The following ATP8A2 variants were observed in gnomAD, a reference collection of about 807,000 sequenced individuals.
ATP8A2 encodes the protein phospholipid-transporting ATPase IB.
Under a neutral mutation model 165.6 loss-of-function variants are expected in ATP8A2, and 100 were observed. The ratio of observed to expected loss-of-function variants is 0.60; its 90% CI spans 0.51 to 0.71. The LOEUF (loss-of-function observed/expected upper bound fraction) is 0.71. Ranked by LOEUF, ATP8A2 falls within the 30% of genes least tolerant of loss-of-function variation. ATP8A2 has a pLI of 0.00. For synonymous variants in ATP8A2, 543 were observed against 548.8 expected (o/e 0.99, Z 0.15); for missense variants, 1,227 against 1,479.5 (o/e 0.83, Z 2.80).
intron 6 of ATP8A2, 57 bp downstream of exon 6, chr13:25,533,370 T>G: frequency 8.4e-6 from 8 of 948,694 alleles, no homozygotes; most frequent in East Asian, 2.5e-5. Context: ...GCGTAATGAA[T>G]TGCTGGTCTT....
intron 27 of ATP8A2, among the ~76,000 whole-genome samples, chr13:25,787,905 C>T (rs1004983705): frequency 2.6e-5 from 4 of 152,202 alleles, no homozygotes; most frequent in Admixed American, 1.3e-4. Flanking sequence ...TCAAGCAAGA[C>T]GATGGTAGAA....
chr13:25,530,343 T>G (rs897938489), intron 3 of ATP8A2, among the ~76,000 whole-genome samples: 2 of 152,222 alleles, frequency 1.3e-5, no homozygotes, highest in Non-Finnish European at 1.5e-5. Flanking sequence ...GCCATACTTT[T>G]AAGCCTTTTT....
At chr13:25,457,969 G>A (rs61947622) in intron 1 of ATP8A2, among the ~76,000 whole-genome samples, 4,868 of 152,314 alleles carry the variant, frequency 0.032, 94 homozygotes, top group Non-Finnish European at 0.041. Flanking sequence ...TAAGACTGCT[G>A]ATGGAAGTAG....
intron 10 of ATP8A2, among the ~76,000 whole-genome samples, chr13:25,546,529 T>G (rs1296021642): frequency 6.6e-6 from 1 of 151,788 alleles, no homozygotes; most frequent in Non-Finnish European, 1.5e-5. Context: ...TTTTTTTTTT[T>G]GAAGTCTCTC....
chr13:25,662,424 T>C (rs2042069396), intron 24 of ATP8A2, among the ~76,000 whole-genome samples: 1 of 152,232 alleles, frequency 6.6e-6, no homozygotes, highest in South Asian at 2.1e-4. Context: ...TGATTCTATA[T>C]GGGATTCTGA....
In ATP8A2 at chr13:25,396,940, A is replaced by G. The variant is rs533050257; in HGVS notation, c.76+24652A>G. 4.6e-5 allele frequency among the ~76,000 whole-genome samples: 7 copies of G among 152,342 alleles called. No individual in the cohort carries two copies. In the East Asian group the frequency reaches 1.3e-3, roughly 29 times the overall value. On this transcript the variant is annotated intron_variant, in intron 1 of 36. Transcript: ENST00000381655. ...TCACAGATAGGCAGCAAGAGATGGT[A>G]GAAGCCTGGGCCCATGGCGGACCAG...
Position 25,553,850 on chromosome 13 carries a change from A to T in ATP8A2, c.1115A>T (p.Asn372Ile). Residue 372 changes from asparagine to isoleucine, a missense_variant, in exon 12 of 37, where the codon AAT becomes ATT. Physicochemically the swap from Asn to Ile is moderately radical, Grantham distance 149. Transcript: ENST00000381655. ...CTGACGTTCATCATCTTATACAACA[A>T]TCTTATTCCCATCAGTCTGTTGGTG... ...NLLTFIILYNNLIPISLLVTL... is the reference protein window; with the variant it reads ...NLLTFIILYNILIPISLLVTL... 6.2e-7 allele frequency: 1 copy of T among 1,613,134 alleles called. No homozygotes were observed. The highest frequency in any genetic ancestry group is 8.5e-7 in the Non-Finnish European group (1 of 1,179,082).
intron 27 of ATP8A2, among the ~76,000 whole-genome samples, chr13:25,824,170 C>T (rs900718619): frequency 6.6e-6 from 1 of 152,156 alleles, no homozygotes; most frequent in African/African-American, 2.4e-5. Flanking sequence ...GGGTTTTCAC[C>T]ATGTTGGACC....
intron 33 of ATP8A2, among the ~76,000 whole-genome samples, chr13:25,878,141 G>A (rs1170484024): frequency 2.6e-5 from 4 of 152,096 alleles, no homozygotes; most frequent in Admixed American, 6.5e-5. Context: ...AAGACAACTC[G>A]GGAAGTGTCT....
chr13:25,419,312 A>G (rs1490617664), intron 1 of ATP8A2, among the ~76,000 whole-genome samples: 2 of 152,082 alleles, frequency 1.3e-5, no homozygotes, highest in South Asian at 2.1e-4. Flanking sequence ...TGATGTTGCT[A>G]TTGTAGGGGA....
chr13:25,746,403 C>T (rs1047219419), intron 25 of ATP8A2, among the ~76,000 whole-genome samples: 3 of 152,070 alleles, frequency 2.0e-5, no homozygotes, highest in South Asian at 2.1e-4. Context: ...GAGTCTAGCA[C>T]GTAGGCAAAT....
chr13:25,937,417 A>AAATGAAAG (rs1385306065), intron 33 of ATP8A2, among the ~76,000 whole-genome samples: 1 of 125,880 alleles, frequency 7.9e-6, no homozygotes, highest in African/African-American at 2.9e-5. Flanking sequence ...GTGTTTGGAA[A>AAATGAAAG]AATGAAAGAA....
At chr13:25,690,634 G>A (rs1052013813) in intron 24 of ATP8A2, among the ~76,000 whole-genome samples, 4 of 152,094 alleles carry the variant, frequency 2.6e-5, no homozygotes, top group South Asian at 2.1e-4. Context: ...CTAATACTAC[G>A]CACCCACTGG....
intron 1 of ATP8A2, among the ~76,000 whole-genome samples, chr13:25,454,042 T>G (rs2035297144): frequency 6.6e-6 from 1 of 152,152 alleles, no homozygotes. Context: ...GTAGGATGGT[T>G]AGTCATAATG....
intron 1 of ATP8A2, among the ~76,000 whole-genome samples, chr13:25,382,959 G>A (rs566943813): frequency 6.6e-6 from 1 of 151,122 alleles, no homozygotes; most frequent in Admixed American, 6.6e-5. Context: ...GTTTCATCAT[G>A]TTAGCCAGGA....
intron 24 of ATP8A2, among the ~76,000 whole-genome samples, chr13:25,594,330 A>T (rs942520590): frequency 2.0e-5 from 3 of 152,258 alleles, no homozygotes; most frequent in Admixed American, 2.0e-4. Context: ...TGCTGCAATA[A>T]TATAGAGAAC....
At chr13:25,603,620 T>G (rs1268978110) in intron 24 of ATP8A2, among the ~76,000 whole-genome samples, 4 of 150,360 alleles carry the variant, frequency 2.7e-5, no homozygotes, top group Admixed American at 6.6e-5. Context: ...GGTGTTGGAG[T>G]GGAGGTTGTG....
chr13:25,660,463 G>T (rs1413717106), intron 24 of ATP8A2, among the ~76,000 whole-genome samples: 1 of 152,164 alleles, frequency 6.6e-6, no homozygotes, highest in Non-Finnish European at 1.5e-5. Context: ...TAGCAAGCAA[G>T]TTGGATCAAT....
chr13:25,562,636 G>A (rs1225290926), intron 15 of ATP8A2, among the ~76,000 whole-genome samples: 1 of 152,174 alleles, frequency 6.6e-6, no homozygotes, highest in Non-Finnish European at 1.5e-5. Flanking sequence ...CAACTGTTTT[G>A]GAAGCTGTGT....
Sources: allele counts gnomAD v4.1 joint callset (sites outside exome capture counted in the v4.1 genomes callset), GRCh38; gene constraint gnomAD v4.1.1; transcripts MANE v1.5; gene names NCBI Gene and HGNC (gene_info 2026-07-23, HGNC 2026-07-21).